RFTN1: variants seen among roughly 807,000 people sequenced by gnomAD.
RFTN1 encodes the protein raftlin, lipid raft linker 1.
In RFTN1, 26 loss-of-function variants were observed where a neutral mutation model predicts 46.5. The ratio of observed to expected loss-of-function variants is 0.56; its 90% CI spans 0.41 to 0.78. RFTN1 has a LOEUF of 0.78. Among genes scored for constraint, RFTN1 ranks in the 30% least tolerant of loss-of-function variants. The pLI, the probability that RFTN1 is intolerant of heterozygous loss-of-function variation, is 0.00. For synonymous variants in RFTN1, 261 were observed against 284.2 expected, an observed-to-expected ratio of 0.92 and a Z score of 0.82; for missense variants, 693 against 718.7, an observed-to-expected ratio of 0.96 and a Z score of 0.41.
At chr3:16,406,888 AATC>A (rs1433021283) in intron 4 of RFTN1, among the ~76,000 whole-genome samples, 1 of 152,226 alleles carries the variant, frequency 6.6e-6, no homozygotes, top group Non-Finnish European at 1.5e-5. Context: ...TTATCTAATG[AATC>A]ATCAGACACA....
intron 2 of RFTN1, 70 bp downstream of exon 2, chr3:16,493,655 A>AC: frequency 1.7e-5 from 21 of 1,223,724 alleles, no homozygotes; most frequent in Non-Finnish European, 2.3e-5. Context: ...CTCCAACTGC[A>AC]CCCCCATCCC....
chr3:16,408,173 T>C (rs537899254), intron 4 of RFTN1, among the ~76,000 whole-genome samples: 22 of 152,186 alleles, frequency 1.4e-4, no homozygotes, highest in African/African-American at 4.6e-4. Flanking sequence ...CAGGCCCTCA[T>C]GTACACTGTT....
intron 2 of RFTN1, among the ~76,000 whole-genome samples, chr3:16,485,620 A>C (rs2076436646): frequency 6.6e-6 from 1 of 152,280 alleles, no homozygotes; most frequent in Non-Finnish European, 1.5e-5. Flanking sequence ...GCAGATCAGC[A>C]GTTGGCTGGG....
rs1317492628 is a variant in RFTN1 at position 16,506,680 on chromosome 3, C to T, written c.-9+6762G>A. On this transcript the variant is annotated intron_variant, in intron 1 of 9. Transcript: ENST00000334133. The surrounding 1 kb of genome is among the most constrained non-coding windows in gnomAD (Gnocchi z 4.8). ...GTTAGCCATGTTAACTCCACCCAAG[C>T]AGAGGTATGCAGTAGGCCGCTGGAT... 6.6e-6 allele frequency among the ~76,000 whole-genome samples: 1 copy of T among 151,834 alleles called. No individual in the cohort carries two copies. Among genetic ancestry groups the T allele is most frequent in the East Asian group, 1.9e-4 (1 of 5,152 alleles).
chr3:16,343,147 G>A (rs1347113820), intron 7 of RFTN1, among the ~76,000 whole-genome samples: 1 of 152,180 alleles, frequency 6.6e-6, no homozygotes, highest in East Asian at 1.9e-4. Flanking sequence ...GCCAGAATGT[G>A]AATTTTTAAT....
intron 6 of RFTN1, among the ~76,000 whole-genome samples, chr3:16,362,600 CAAT>C (rs2072902714): frequency 6.6e-6 from 1 of 152,132 alleles, no homozygotes; most frequent in African/African-American, 2.4e-5. Flanking sequence ...AGAAGACACT[CAAT>C]GATTCCATCA....
intron 3 of RFTN1, among the ~76,000 whole-genome samples, chr3:16,415,432 C>T (rs13326427): frequency 0.12 from 11,834 of 95,378 alleles, 897 homozygotes; most frequent in African/African-American, 0.2. Context: ...TATATATATA[C>T]ACACACACAC....
chr3:16,501,333 C>G (rs2076707385), intron 1 of RFTN1, among the ~76,000 whole-genome samples: 1 of 152,202 alleles, frequency 6.6e-6, no homozygotes, highest in Non-Finnish European at 1.5e-5. Flanking sequence ...TGGAAAACCA[C>G]TTCAAAAGGA....
rs552418313 is a variant in RFTN1, at chr3:16,448,734, C to T, written c.146-14697G>A. Among the ~76,000 whole-genome samples, 8 of 152,300 alleles carry T rather than the reference C, an allele frequency of 5.3e-5. No homozygotes were observed. Among genetic ancestry groups the T allele is most frequent in the South Asian group, 2.1e-4 (1 of 4,832 alleles). ...TACCTCTCAGGAGCCACTGCGTTCC[C>T]GACCTTCTTCTGCCCCATTGGCAGG... On this transcript the variant is annotated intron_variant, in intron 2 of 9. Coordinates refer to ENST00000334133, the MANE Select transcript of RFTN1 (RefSeq NM_015150.2). The surrounding 1 kb of genome is among the most constrained non-coding windows in gnomAD (Gnocchi z 4.1).
At chr3:16,324,713 T>TTATC (rs10677895) in intron 8 of RFTN1, among the ~76,000 whole-genome samples, 60,658 of 144,240 alleles carry the variant, frequency 0.42, 13,032 homozygotes, top group East Asian at 0.46. Context: ...CACATTTTCT[T>TTATC]CATCCATCTG....
At chr3:16,390,227 C>T (rs868749511) in intron 4 of RFTN1, among the ~76,000 whole-genome samples, 14 of 152,142 alleles carry the variant, frequency 9.2e-5, no homozygotes, top group African/African-American at 1.9e-4. Context: ...ATACAGTGAT[C>T]GTCACTAATC....
rs936685833 is a variant in RFTN1, at chr3:16,424,281, C to T, written c.332+9570G>A. On this transcript the variant is annotated intron_variant, in intron 3 of 9. Coordinates refer to ENST00000334133, the MANE Select transcript of RFTN1 (RefSeq NM_015150.2). The surrounding 1 kb of genome is among the most constrained non-coding windows in gnomAD (Gnocchi z 4.7). ...CACTCCCATTACCCACTCCAAACTT[C>T]GGACTGAGAAGTCGTTAATGACTTC... Among the ~76,000 whole-genome samples the T allele has an allele frequency of 6.6e-5, 10 of 152,204 alleles. No individual in the cohort carries two copies. Among genetic ancestry groups the T allele is most frequent in the African/African-American group, 2.2e-4 (9 of 41,448 alleles).
chr3:16,404,051 ATATAT>A (rs2074737213), intron 4 of RFTN1, among the ~76,000 whole-genome samples: 1 of 16,698 alleles, frequency 6.0e-5, no homozygotes, highest in African/African-American at 2.6e-4. Context: ...TATTTTATAT[ATATAT>A]TATATTTTAT....
chr3:16,386,949 G>T (rs2074199838), intron 4 of RFTN1, among the ~76,000 whole-genome samples: 5 of 152,332 alleles, frequency 3.3e-5, no homozygotes, highest in Admixed American at 3.3e-4. Flanking sequence ...TCAAACAACT[G>T]AAGCAAAAAG....
In RFTN1 at chr3:16,334,866, AG is replaced by A. The variant is rs1355357700; in HGVS notation, c.1147-7991del. On this transcript the variant is annotated intron_variant, in intron 7 of 9. Transcript: ENST00000334133. The surrounding 1 kb of genome is among the most constrained non-coding windows in gnomAD (Gnocchi z 4.3). The stretch of plus-strand genomic sequence containing the variant: ...ATCCAGGTGTGCCCAGTATAATCAC[AG>A]GGGTCCTTATAAGGACAGGCAGGAA... 6.6e-6 allele frequency among the ~76,000 whole-genome samples: 1 copy of A among 152,216 alleles called. No individual in the cohort carries two copies. The highest frequency in any genetic ancestry group is 1.5e-5 in the Non-Finnish European group (1 of 68,034).
Position 16,481,680 on chromosome 3 carries a change from G to A in RFTN1, c.145+12045C>T, listed in dbSNP as rs2076369817. ...CTGCTACACAATTTATTAATGAACA[G>A]TGAAAAGAAACAGAAGCCAAAAGTG... On this transcript the variant is annotated intron_variant, in intron 2 of 9. Coordinates refer to ENST00000334133, the MANE Select transcript of RFTN1 (RefSeq NM_015150.2). The surrounding 1 kb of genome is among the most constrained non-coding windows in gnomAD (Gnocchi z 5.1). Among the ~76,000 whole-genome samples, 1 of 152,176 alleles carries A rather than the reference G, an allele frequency of 6.6e-6. No homozygotes were observed. The highest frequency in any genetic ancestry group is 6.5e-5 in the Admixed American group (1 of 15,284).
chr3:16,351,070 A>T lies in RFTN1; in HGVS notation c.1146+6862T>A, dbSNP rs934698359. On this transcript the variant is annotated intron_variant, in intron 7 of 9. Transcript: ENST00000334133. The surrounding 1 kb of genome is among the most constrained non-coding windows in gnomAD (Gnocchi z 5.4). Reference sequence around the variant, plus strand: ...GAGACCTAATGTGTTATTACACAGGATTCACAGGATTATGAGACAGGGTTA... The same window carrying T: ...GAGACCTAATGTGTTATTACACAGGTTTCACAGGATTATGAGACAGGGTTA... 2.6e-5 allele frequency among the ~76,000 whole-genome samples: 4 copies of T among 152,348 alleles called. No individual in the cohort carries two copies. The highest frequency in any genetic ancestry group is 2.0e-4 in the Admixed American group (3 of 15,302).
intron 6 of RFTN1, among the ~76,000 whole-genome samples, chr3:16,364,890 G>A (rs2073056313): frequency 6.6e-6 from 1 of 152,206 alleles, no homozygotes; most frequent in African/African-American, 2.4e-5. Flanking sequence ...ACAGCGTGGG[G>A]CACGCAGGGG....
chr3:16,501,746 G>A (rs956158056), intron 1 of RFTN1, among the ~76,000 whole-genome samples: 3 of 152,268 alleles, frequency 2.0e-5, no homozygotes, highest in African/African-American at 2.4e-5. Context: ...ACATGATAAC[G>A]ACATCTCTCT....
Sources: allele counts gnomAD v4.1 joint callset (sites outside exome capture counted in the v4.1 genomes callset), GRCh38; gene constraint gnomAD v4.1.1; non-coding constraint Gnocchi (gnomAD v3.1); transcripts MANE v1.5; gene names NCBI Gene and HGNC (gene_info 2026-07-23, HGNC 2026-07-21).